PKP2: variants seen among roughly 807,000 people sequenced by gnomAD.
PKP2 encodes the protein plakophilin-2.
PKP2 carries 73 observed loss-of-function variants against 83.4 expected under a neutral mutation model. The observed-to-expected ratio is 0.88, with a 90% CI of 0.72 to 1.06. The LOEUF (loss-of-function observed/expected upper bound fraction) is 1.06, where lower values mean the gene tolerates loss of function less well. PKP2 is among the 50% of genes least tolerant of loss of function. The pLI is 0.00. For synonymous variants in PKP2, 409 were observed against 430.4 expected, an observed-to-expected ratio of 0.95 and a Z score of 0.62; for missense variants, 966 against 1,065.4, an observed-to-expected ratio of 0.91 and a Z score of 1.30.
intron 1 of PKP2, among the ~76,000 whole-genome samples, chr12:32,885,303 T>C (rs964211072): frequency 1.1e-4 from 17 of 152,322 alleles, no homozygotes; most frequent in African/African-American, 4.1e-4. Flanking sequence ...AAAGAAGCTT[T>C]GTGTTTGGTC....
intron 1 of PKP2, chr12:32,893,295 C>T (rs1177416674): frequency 6.6e-6 from 1 of 152,160 alleles, no homozygotes; most frequent in Non-Finnish European, 1.5e-5. Context: ...GTCTTTTCTT[C>T]CTGGAATTTC....
intron 4 of PKP2, among the ~76,000 whole-genome samples, chr12:32,866,162 A>G (rs767791351): frequency 2.0e-5 from 3 of 152,156 alleles, no homozygotes; most frequent in Non-Finnish European, 4.4e-5. Context: ...AAAACTTACA[A>G]AATTCAATAA....
chr12:32,792,345 G>A lies in PKP2; in HGVS notation c.*79C>T. 2.0e-6 allele frequency: 2 copies of A among 982,614 alleles called. No individual in the cohort carries two copies. The highest frequency in any genetic ancestry group is 1.7e-6 in the Non-Finnish European group (1 of 604,400). 60.9% of individuals were successfully genotyped at this position (982,614 alleles called of 1,614,324 possible). ...GGATAGAAACAAGGCATGCTTTTGA[G>A]GTTTCTTGGGCTGGGTAGTAGAAAA... is the stretch of plus-strand genomic sequence containing the variant. On this transcript the variant is annotated 3_prime_UTR_variant, in exon 13 of 13. Transcript: ENST00000340811.
chr12:32,860,925 G>A (rs1956792403), intron 4 of PKP2, among the ~76,000 whole-genome samples: 1 of 152,114 alleles, frequency 6.6e-6, no homozygotes, highest in Non-Finnish European at 1.5e-5. Flanking sequence ...CTACTTGGGA[G>A]GCTGAGGCAA....
At chr12:32,895,720 C>G (rs1016298903) in intron 1 of PKP2, among the ~76,000 whole-genome samples, 1 of 152,206 alleles carries the variant, frequency 6.6e-6, no homozygotes, top group Admixed American at 6.5e-5. Flanking sequence ...TCCACCTCCC[C>G]CGTCTATCAA....
Position 32,834,703 on chromosome 12 carries a change from T to TG in PKP2, c.1556+6324dup, listed in dbSNP as rs144348441. ...TGTCCTTTAAGAGAAGAAAGAAGAC[T>TG]GGGGGGGAGGAGGGAAGAAAGAAGA... On this transcript the variant is annotated intron_variant, in intron 6 of 12. Transcript: ENST00000340811. Among the ~76,000 whole-genome samples, 602 of 151,784 alleles carry TG rather than the reference T, an allele frequency of 4.0e-3. 4 individuals are homozygous for TG. Among genetic ancestry groups the TG allele is most frequent in the African/African-American group, 0.013 (524 of 41,352 alleles).
At chr12:32,800,660 A>G (rs954308290) in intron 10 of PKP2, among the ~76,000 whole-genome samples, 3 of 152,168 alleles carry the variant, frequency 2.0e-5, no homozygotes, top group Non-Finnish European at 2.9e-5. Context: ...GGAACGAGTC[A>G]ATGCATGTTA....
intron 8 of PKP2, among the ~76,000 whole-genome samples, chr12:32,822,181 T>C (rs571608812): frequency 6.6e-6 from 1 of 152,292 alleles, no homozygotes; most frequent in South Asian, 2.1e-4. Flanking sequence ...AGCAGTACGG[T>C]TCATGGGTAG....
intron 3 of PKP2, among the ~76,000 whole-genome samples, chr12:32,870,374 T>A (rs74072957): frequency 0.063 from 9,600 of 152,134 alleles, 1,050 homozygotes; most frequent in African/African-American, 0.22. Context: ...CCCCTGCTTC[T>A]GAAACACGTG....
chr12:32,820,341 C>T (rs1432134596), intron 9 of PKP2: 2 of 152,080 alleles, frequency 1.3e-5, no homozygotes, highest in South Asian at 2.1e-4. Context: ...GTTTCATGAC[C>T]AAGGCAAAGA....
At chr12:32,858,117 T>G (rs1020667) in intron 4 of PKP2, among the ~76,000 whole-genome samples, 226 of 84,112 alleles carry the variant, frequency 2.7e-3, no homozygotes, top group Non-Finnish European at 3.5e-3. Flanking sequence ...ATATATATAT[T>G]TATATATATT....
At chr12:32,866,225 T>G (rs966933757) in intron 4 of PKP2, among the ~76,000 whole-genome samples, 4 of 152,078 alleles carry the variant, frequency 2.6e-5, no homozygotes, top group Non-Finnish European at 4.4e-5. Context: ...CACATTTCAC[T>G]AAAGAAGATA....
intron 4 of PKP2, among the ~76,000 whole-genome samples, chr12:32,864,632 C>G (rs1956830848): frequency 6.6e-6 from 1 of 152,106 alleles, no homozygotes; most frequent in African/African-American, 2.4e-5. Flanking sequence ...TCAGTGCAAT[C>G]TCTAACAAAA....
intron 6 of PKP2, among the ~76,000 whole-genome samples, chr12:32,828,199 C>T (rs1459228093): frequency 6.6e-6 from 1 of 152,144 alleles, no homozygotes; most frequent in Admixed American, 6.5e-5. Flanking sequence ...GAAATGGTCA[C>T]GGAGCTTCAC....
At chr12:32,809,380 C>G (rs558682915) in intron 9 of PKP2, among the ~76,000 whole-genome samples, 92 of 152,282 alleles carry the variant, frequency 6.0e-4, no homozygotes, top group African/African-American at 2.2e-3. Context: ...AGCTGGCAGG[C>G]TGGAATGTGC....
chr12:32,854,391 C>G (rs550552803), intron 4 of PKP2, among the ~76,000 whole-genome samples: 1 of 152,294 alleles, frequency 6.6e-6, no homozygotes, highest in African/African-American at 2.4e-5. Context: ...GGCACTTATC[C>G]CAAGCTTAAA....
chr12:32,803,551 T>C (rs1443595688), intron 9 of PKP2, among the ~76,000 whole-genome samples: 3 of 152,254 alleles, frequency 2.0e-5, no homozygotes, highest in African/African-American at 7.2e-5. Flanking sequence ...TAGTATTTAA[T>C]CTTTTTCTAT....
intron 6 of PKP2, among the ~76,000 whole-genome samples, chr12:32,825,393 T>C (rs995242358): frequency 1.3e-5 from 2 of 152,012 alleles, no homozygotes; most frequent in South Asian, 2.1e-4. Context: ...GGATGGTCTC[T>C]ATCTCTTGAC....
chr12:32,850,932 T>A lies in PKP2; in HGVS notation c.1212A>T (p.Leu404=). 1 of 1,614,154 alleles carries A rather than the reference T, an allele frequency of 6.2e-7. No individual in the cohort carries two copies. The highest frequency in any genetic ancestry group is 8.5e-7 in the Non-Finnish European group (1 of 1,180,024). The change falls in exon 5 of 13, where the codon CTA becomes CTT. Residue 404 remains leucine, a synonymous_variant. Transcript: ENST00000340811. Reference sequence around the variant, plus strand: ...GCTGAACGTCTTCATTCTGAACTTTTAGGAGCTGCAGAAGCTTGAGGATGC... The same window carrying A: ...GCTGAACGTCTTCATTCTGAACTTTAAGGAGCTGCAGAAGCTTGAGGATGC... The part of the protein sequence containing the change: ...LRGILKLLQL[L]KVQNEDVQRA...
Sources: gnomAD v4.1 joint callset for allele counts (sites outside exome capture counted in the v4.1 genomes callset) on GRCh38, gnomAD v4.1.1 for gene constraint, MANE v1.5 for transcripts, NCBI Gene and HGNC (gene_info 2026-07-23, HGNC 2026-07-21) for gene names.